KCNH5: variants seen among roughly 807,000 people sequenced by gnomAD.
KCNH5 encodes potassium voltage-gated channel subfamily H member 5.
In KCNH5, 46 loss-of-function variants were observed where a neutral mutation model predicts 96.1. The ratio of observed to expected loss-of-function variants is 0.48; its 90% CI spans 0.38 to 0.61. The LOEUF is 0.61. Ranked by LOEUF, KCNH5 falls within the 20% of genes least tolerant of loss-of-function variation. The probability of loss-of-function intolerance (pLI) is 0.00; values close to 1 mark genes in which losing one functional copy is unlikely to be tolerated. For missense variants in KCNH5, 907 were observed against 1,225.8 expected (o/e 0.74, Z 3.88); for synonymous variants, 439 against 449.8 (o/e 0.98, Z 0.30).
chr14:62,799,893 T>G (rs1886624873), intron 9 of KCNH5, among the ~76,000 whole-genome samples: 3 of 146,722 alleles, frequency 2.0e-5, no homozygotes, highest in South Asian at 4.2e-4. Context: ...CCCTGATAAT[T>G]TTTGTAACTT....
At chr14:62,791,590 TGCAA>T (rs1158061529) in intron 9 of KCNH5, among the ~76,000 whole-genome samples, 5 of 151,682 alleles carry the variant, frequency 3.3e-5, no homozygotes, top group African/African-American at 1.2e-4. Context: ...AGATATTCCA[TGCAA>T]ACAGTAGCCA....
intron 8 of KCNH5, among the ~76,000 whole-genome samples, chr14:62,840,714 T>C (rs765056584): frequency 2.6e-5 from 4 of 151,356 alleles, no homozygotes; most frequent in Non-Finnish European, 5.9e-5. Flanking sequence ...GGATTACAAG[T>C]ACGCGCCACC....
At chr14:63,010,714 C>G (rs1246337040) in intron 2 of KCNH5, among the ~76,000 whole-genome samples, 2 of 152,166 alleles carry the variant, frequency 1.3e-5, no homozygotes. Flanking sequence ...GTGGTTTGGG[C>G]TTGTAGCAGG....
chr14:62,712,301 A>G (rs1383529496), intron 10 of KCNH5: 1 of 197,406 alleles, frequency 5.1e-6, no homozygotes, highest in Non-Finnish European at 1.0e-5. Flanking sequence ...GAACAAAATA[A>G]TGGCATTGTA....
At chr14:62,784,677 G>T (rs1886285472) in intron 9 of KCNH5, among the ~76,000 whole-genome samples, 1 of 152,064 alleles carries the variant, frequency 6.6e-6, no homozygotes, top group South Asian at 2.1e-4. Flanking sequence ...CAGGTAAAAG[G>T]TACTCAAAAT....
At chr14:62,751,968 G>A (rs922378722) in intron 10 of KCNH5, among the ~76,000 whole-genome samples, 4 of 152,200 alleles carry the variant, frequency 2.6e-5, no homozygotes, top group Admixed American at 1.3e-4. Flanking sequence ...TCAACTAAAC[G>A]CCCTTGAAAT....
At chr14:62,776,759 G>A (rs1886106562) in intron 10 of KCNH5, among the ~76,000 whole-genome samples, 3 of 152,154 alleles carry the variant, frequency 2.0e-5, no homozygotes, top group African/African-American at 7.2e-5. Flanking sequence ...TACATAGAGG[G>A]GCTTAAGGAT....
At chr14:63,007,515 C>G (rs1456294900) in intron 2 of KCNH5, among the ~76,000 whole-genome samples, 1 of 152,092 alleles carries the variant, frequency 6.6e-6, no homozygotes, top group Non-Finnish European at 1.5e-5. Context: ...ATGAGTTTTA[C>G]TATGATATCA....
intron 1 of KCNH5, among the ~76,000 whole-genome samples, chr14:63,021,716 T>A (rs1055647887): frequency 6.6e-6 from 1 of 152,040 alleles, no homozygotes; most frequent in East Asian, 1.9e-4. Flanking sequence ...AAGTCACCAA[T>A]AACCTCTCCC....
chr14:62,881,925 A>C (rs537522596), intron 7 of KCNH5, among the ~76,000 whole-genome samples: 1 of 152,126 alleles, frequency 6.6e-6, no homozygotes, highest in African/African-American at 2.4e-5. Flanking sequence ...TATCACTCTT[A>C]GAAAACTTAT....
chr14:62,758,892 T>C (rs151009493), intron 10 of KCNH5, among the ~76,000 whole-genome samples: 92 of 152,202 alleles, frequency 6.0e-4, no homozygotes, highest in Admixed American at 7.2e-4. Context: ...GAGCTAGACA[T>C]AGGATAAGAT....
rs568989528 is a variant in KCNH5 at position 62,841,805 on chromosome 14, G to T, written c.1569+7848C>A. Among the ~76,000 whole-genome samples the T allele has an allele frequency of 2.4e-4, 36 of 152,350 alleles. No individual in the cohort carries two copies. The South Asian group carries it at 5.6e-3, about 24-fold the overall frequency. On this transcript the variant is annotated intron_variant, in intron 8 of 10. Coordinates refer to ENST00000322893, the MANE Select transcript of KCNH5 (RefSeq NM_139318.5). ...CCAGCCAACTAAGTAAATGTGGCTG[G>T]TGGTAACTCCAATACAGATGTGAAC...
chr14:62,972,595 G>A (rs1164381972), intron 6 of KCNH5, among the ~76,000 whole-genome samples: 7 of 151,942 alleles, frequency 4.6e-5, no homozygotes, highest in Admixed American at 4.6e-4. Context: ...GCAAAACTTG[G>A]AAGCATCCAA....
At chr14:62,762,857 C>T (rs1156685607) in intron 10 of KCNH5, among the ~76,000 whole-genome samples, 2 of 151,954 alleles carry the variant, frequency 1.3e-5, no homozygotes, top group Admixed American at 6.6e-5. Flanking sequence ...CCTAAATATA[C>T]ACATACCCAA....
chr14:62,884,707 T>A (rs1333657729), intron 7 of KCNH5, among the ~76,000 whole-genome samples: 1 of 152,200 alleles, frequency 6.6e-6, no homozygotes, highest in African/African-American at 2.4e-5. Context: ...TTTTTAAATG[T>A]GCCAGCTGTT....
intron 8 of KCNH5, among the ~76,000 whole-genome samples, chr14:62,844,304 GA>G (rs1415356462): frequency 6.6e-6 from 1 of 151,898 alleles, no homozygotes; most frequent in Non-Finnish European, 1.5e-5. Flanking sequence ...GCAACAAGCT[GA>G]AAAAAATCCA....
intron 6 of KCNH5, among the ~76,000 whole-genome samples, chr14:62,958,203 G>A (rs1890142930): frequency 6.6e-6 from 1 of 152,146 alleles, no homozygotes; most frequent in Admixed American, 6.6e-5. Context: ...GAAATATGTT[G>A]CTATTATGCT....
intron 10 of KCNH5, among the ~76,000 whole-genome samples, chr14:62,724,908 T>G (rs1412409037): frequency 6.6e-6 from 1 of 152,196 alleles, no homozygotes; most frequent in Admixed American, 6.5e-5. Context: ...CATCTGCCAG[T>G]GCATTTGCCC....
chr14:62,886,139 C>A (rs570563470), intron 7 of KCNH5, among the ~76,000 whole-genome samples: 3 of 151,842 alleles, frequency 2.0e-5, no homozygotes, highest in African/African-American at 4.8e-5. Flanking sequence ...CACACACACA[C>A]ACACACACAC....
Sources: allele counts gnomAD v4.1 joint callset (sites outside exome capture counted in the v4.1 genomes callset), GRCh38; gene constraint gnomAD v4.1.1; transcripts MANE v1.5; gene names NCBI Gene and HGNC (gene_info 2026-07-23, HGNC 2026-07-21).